Variants in GPR137C observed in about 807,000 individuals in gnomAD.
GPR137C encodes the protein G protein-coupled receptor 137C, also known as integral membrane protein GPR137C.
Under a neutral mutation model 43.4 loss-of-function variants are expected in GPR137C, and 27 were observed. That is an observed-to-expected ratio of 0.62 (90% CI 0.46 to 0.86). The LOEUF (loss-of-function observed/expected upper bound fraction) is 0.86, where lower values mean the gene tolerates loss of function less well. Among genes scored for constraint, GPR137C ranks in the 40% least tolerant of loss-of-function variants. The probability of loss-of-function intolerance (pLI) is 0.00; values close to 1 mark genes in which losing one functional copy is unlikely to be tolerated. For missense variants in GPR137C, 522 were observed against 534.6 expected, an observed-to-expected ratio of 0.98 and a Z score of 0.23; for synonymous variants, 285 against 226.9, an observed-to-expected ratio of 1.26 and a Z score of -2.30.
chr14:52,556,391 CT>C (rs76210630), intron 1 of GPR137C, among the ~76,000 whole-genome samples: 38 of 140,236 alleles, frequency 2.7e-4, no homozygotes, highest in Middle Eastern at 3.6e-3. Flanking sequence ...CCCCTTTTTT[CT>C]TTTTTTTTTT....
chr14:52,569,669 A>G (rs1233607160), intron 1 of GPR137C, among the ~76,000 whole-genome samples: 1 of 151,814 alleles, frequency 6.6e-6, no homozygotes, highest in Non-Finnish European at 1.5e-5. Flanking sequence ...AGTCAAATCT[A>G]TCAAGCAGAA....
chr14:52,628,546 A>G lies in GPR137C; in HGVS notation c.718-3614A>G, dbSNP rs137928581. 7.1e-4 allele frequency among the ~76,000 whole-genome samples: 108 copies of G among 152,352 alleles called. 2 individuals carry two copies. In the East Asian group the frequency reaches 0.019, roughly 27 times the overall value. ...CATGGTGGCTCATGCCTGTAATCCC[A>G]GCACTTTGGGAGGCCAAGGTGGTCA... On this transcript the variant is annotated intron_variant, in intron 3 of 6. Coordinates refer to ENST00000321662, the MANE Select transcript of GPR137C (RefSeq NM_001099652.2).
Position 52,629,311 on chromosome 14 carries a change from T to C in GPR137C, c.718-2849T>C, listed in dbSNP as rs1334170326. ...GTGAAAACATATCCACAAAACTATTTGTACAAGAATATTCAAAGACTCTAT... is the reference window on the plus strand; with the variant it reads ...GTGAAAACATATCCACAAAACTATTCGTACAAGAATATTCAAAGACTCTAT... On this transcript the variant is annotated intron_variant, in intron 3 of 6. Coordinates refer to ENST00000321662, the MANE Select transcript of GPR137C (RefSeq NM_001099652.2). Among the ~76,000 whole-genome samples, 4 of 152,312 alleles carry C rather than the reference T, an allele frequency of 2.6e-5. No homozygotes were observed. In the East Asian group the frequency reaches 7.7e-4, roughly 29 times the overall value.
chr14:52,609,130 C>T (rs930761949), intron 3 of GPR137C, among the ~76,000 whole-genome samples: 16 of 151,630 alleles, frequency 1.1e-4, no homozygotes, highest in Non-Finnish European at 2.4e-4. Flanking sequence ...CTTTTTTCTC[C>T]CCTGTGTATT....
chr14:52,559,199 AC>A (rs1490787394), intron 1 of GPR137C, among the ~76,000 whole-genome samples: 1 of 151,970 alleles, frequency 6.6e-6, no homozygotes, highest in African/African-American at 2.4e-5. Flanking sequence ...ACATGGTGAA[AC>A]CCCGTCTCTA....
chr14:52,622,995 C>T (rs1594806967), intron 3 of GPR137C, among the ~76,000 whole-genome samples: 1 of 152,042 alleles, frequency 6.6e-6, no homozygotes, highest in Non-Finnish European at 1.5e-5. Context: ...CACAATTGGT[C>T]TAGCACAGAT....
At chr14:52,573,722 T>A (rs556747986) in intron 1 of GPR137C, among the ~76,000 whole-genome samples, 2 of 152,244 alleles carry the variant, frequency 1.3e-5, no homozygotes, top group East Asian at 3.9e-4. Context: ...AGTTGACAAA[T>A]GGGATCTAAT....
At chr14:52,632,393 AC>A in intron 4 of GPR137C, 84 bp downstream of exon 4, 2 of 942,524 alleles carry the variant, frequency 2.1e-6, no homozygotes, top group Non-Finnish European at 3.2e-6. Context: ...TGTTTGACTT[AC>A]AAACACATTT....
chr14:52,607,607 G>C (rs2038996153), intron 3 of GPR137C, among the ~76,000 whole-genome samples: 1 of 152,190 alleles, frequency 6.6e-6, no homozygotes, highest in Admixed American at 6.5e-5. Flanking sequence ...CAAGTGCAGT[G>C]GTTCATGCCT....
chr14:52,633,147 C>A (rs1196782099), intron 4 of GPR137C, among the ~76,000 whole-genome samples: 1 of 152,016 alleles, frequency 6.6e-6, no homozygotes, highest in Non-Finnish European at 1.5e-5. Context: ...TAACATGTTA[C>A]ATTTTTCTAT....
At chr14:52,608,120 T>G (rs868634562) in intron 3 of GPR137C, among the ~76,000 whole-genome samples, 4 of 152,322 alleles carry the variant, frequency 2.6e-5, no homozygotes, top group Middle Eastern at 3.4e-3. Context: ...AATGTTACTA[T>G]TGATATGTCA....
chr14:52,614,411 A>T (rs2039075114), intron 3 of GPR137C, among the ~76,000 whole-genome samples: 1 of 152,114 alleles, frequency 6.6e-6, no homozygotes, highest in African/African-American at 2.4e-5. Flanking sequence ...GTGAGCCATG[A>T]GCACTTTTTC....
intron 1 of GPR137C, among the ~76,000 whole-genome samples, chr14:52,575,713 C>T (rs1391977457): frequency 6.6e-6 from 1 of 152,110 alleles, no homozygotes; most frequent in Non-Finnish European, 1.5e-5. Context: ...TCAAAGAAAA[C>T]CAGGATCCCT....
At chr14:52,617,142 G>A (rs1307485569) in intron 3 of GPR137C, among the ~76,000 whole-genome samples, 1 of 151,892 alleles carries the variant, frequency 6.6e-6, no homozygotes, top group Non-Finnish European at 1.5e-5. Flanking sequence ...TCTATTTTTG[G>A]TACTGGCTCT....
chr14:52,625,365 G>A (rs999630119), intron 3 of GPR137C, among the ~76,000 whole-genome samples: 10 of 150,576 alleles, frequency 6.6e-5, no homozygotes, highest in South Asian at 4.2e-4. Context: ...ACCTGTACTC[G>A]CTTCTACTCG....
At chr14:52,600,617 T>C (rs17125582) in intron 3 of GPR137C, among the ~76,000 whole-genome samples, 5,890 of 152,132 alleles carry the variant, frequency 0.039, 369 homozygotes, top group African/African-American at 0.13. Context: ...TTAAAAAATA[T>C]CCTGAATGAC....
rs138624814 is a variant in GPR137C, at chr14:52,603,747, C to T, written c.717+3406C>T. On this transcript the variant is annotated intron_variant, in intron 3 of 6. Coordinates refer to ENST00000321662, the MANE Select transcript of GPR137C (RefSeq NM_001099652.2). The stretch of plus-strand genomic sequence containing the variant: ...AGAGACGGGGTTTCACCATGTTGGC[C>T]GGGCTGGTCTCAACCTCCTGACCTC... Among the ~76,000 whole-genome samples, 1,211 of 152,116 alleles carry T rather than the reference C, an allele frequency of 8.0e-3. 17 individuals carry two copies. Among genetic ancestry groups the T allele is most frequent in the African/African-American group, 0.028 (1,150 of 41,486 alleles).
chr14:52,590,144 A>G (rs1383876506), intron 1 of GPR137C, among the ~76,000 whole-genome samples: 1 of 152,184 alleles, frequency 6.6e-6, no homozygotes, highest in East Asian at 1.9e-4. Flanking sequence ...ACAGTGATAC[A>G]GATGATCCTG....
At chr14:52,598,189 C>A in intron 1 of GPR137C, 83 bp from the exon 2 acceptor site, 1 of 515,164 alleles carries the variant, frequency 1.9e-6, no homozygotes, top group South Asian at 3.6e-5. Context: ...ATAGTGGTAG[C>A]ACTTTAAAAC....
Sources: allele counts gnomAD v4.1 joint callset (sites outside exome capture counted in the v4.1 genomes callset), GRCh38; gene constraint gnomAD v4.1.1; transcripts MANE v1.5; gene names NCBI Gene and HGNC (gene_info 2026-07-23, HGNC 2026-07-21).